The following LINGO2 variants were observed in gnomAD, a reference collection of about 807,000 sequenced individuals.
LINGO2 encodes the protein leucine rich repeat and Ig domain containing 2, also known as leucine-rich repeat and immunoglobulin-like domain-containing nogo receptor-interacting protein 2.
Under a neutral mutation model 30.6 loss-of-function variants are expected in LINGO2, and 14 were observed. The observed-to-expected ratio is 0.46, with a 90% CI of 0.30 to 0.72. LINGO2 has a LOEUF of 0.72. LINGO2 is among the 30% of genes least tolerant of loss of function. The probability of loss-of-function intolerance (pLI) is 0.07; values close to 1 mark genes in which losing one functional copy is unlikely to be tolerated. For missense variants in LINGO2, 729 were observed against 751.7 expected, an observed-to-expected ratio of 0.97 and a Z score of 0.35; for synonymous variants, 317 against 288.5, an observed-to-expected ratio of 1.10 and a Z score of -1.00.
chr9:29,115,596 T>A, the LINGO2 span, among the ~76,000 whole-genome samples: 11 of 151,870 alleles, frequency 7.2e-5, no homozygotes, highest in South Asian at 2.1e-4. Flanking sequence ...TGTTTTTTTT[T>A]AAAGAAAAGA....
chr9:28,083,511 T>C (rs1465108302), intron 4 of LINGO2, among the ~76,000 whole-genome samples: 2 of 152,212 alleles, frequency 1.3e-5, no homozygotes, highest in South Asian at 2.1e-4. Flanking sequence ...CAGCACATTT[T>C]ACAGTTTCCT....
At chr9:29,209,182 T>C in the LINGO2 span, among the ~76,000 whole-genome samples, 2 of 152,104 alleles carry the variant, frequency 1.3e-5, no homozygotes, top group African/African-American at 2.4e-5. Flanking sequence ...AAACGCACCA[T>C]GTTCTTAGGC....
intron 4 of LINGO2, among the ~76,000 whole-genome samples, chr9:28,062,139 A>G (rs534155547): frequency 6.6e-6 from 1 of 152,020 alleles, no homozygotes; most frequent in Non-Finnish European, 1.5e-5. Flanking sequence ...CCAAGACTGG[A>G]AAAGTAAAAG....
chr9:28,358,947 G>C (rs1820334868), intron 3 of LINGO2, among the ~76,000 whole-genome samples: 1 of 152,130 alleles, frequency 6.6e-6, no homozygotes, highest in Admixed American at 6.6e-5. Flanking sequence ...TGTTGAGTCT[G>C]TTCATTCTCA....
intron 2 of LINGO2, among the ~76,000 whole-genome samples, chr9:28,441,255 T>TC (rs1824185847): frequency 2.9e-5 from 1 of 34,260 alleles, no homozygotes; most frequent in East Asian, 1.4e-3. Flanking sequence ...TGGAGGCTTT[T>TC]TTTTTTTTTT....
At chr9:28,020,748 A>G (rs1343453) in intron 4 of LINGO2, among the ~76,000 whole-genome samples, 117,315 of 152,038 alleles carry the variant, frequency 0.77, 46,207 homozygotes, top group Non-Finnish European at 0.85. Flanking sequence ...GATTGTATCA[A>G]TTTCTCCCTG....
At chr9:28,359,088 T>C (rs1222386882) in intron 3 of LINGO2, among the ~76,000 whole-genome samples, 2 of 152,134 alleles carry the variant, frequency 1.3e-5, no homozygotes, top group Non-Finnish European at 2.9e-5. Flanking sequence ...CTGTTTCCTT[T>C]ACCTAACCCA....
chr9:28,012,243 A>G (rs1428312509), intron 5 of LINGO2: 2 of 152,084 alleles, frequency 1.3e-5, no homozygotes, highest in African/African-American at 4.8e-5. Flanking sequence ...GGTCACATAC[A>G]TATGAGCTAC....
intron 3 of LINGO2, among the ~76,000 whole-genome samples, chr9:28,354,327 T>C (rs1820066193): frequency 6.6e-6 from 1 of 152,182 alleles, no homozygotes; most frequent in Non-Finnish European, 1.5e-5. Context: ...ATGGTAATTA[T>C]GCAAATTCAT....
chr9:28,290,030 TC>T (rs1823660173), intron 4 of LINGO2, among the ~76,000 whole-genome samples: 1 of 152,212 alleles, frequency 6.6e-6, no homozygotes, highest in Non-Finnish European at 1.5e-5. Flanking sequence ...GTACATGTCT[TC>T]CTTTCTAGTG....
chr9:29,054,038 G>A, the LINGO2 span, among the ~76,000 whole-genome samples: 2 of 151,904 alleles, frequency 1.3e-5, no homozygotes, highest in East Asian at 3.9e-4. Flanking sequence ...CTCAAATGAG[G>A]TGTATCTGTG....
At chr9:28,958,148 G>A in the LINGO2 span, among the ~76,000 whole-genome samples, 16 of 152,222 alleles carry the variant, frequency 1.1e-4, no homozygotes, top group East Asian at 3.1e-3. Flanking sequence ...CATCCATTAA[G>A]ACTCATGTCA....
At chr9:29,121,751 T>C in the LINGO2 span, among the ~76,000 whole-genome samples, 1 of 152,072 alleles carries the variant, frequency 6.6e-6, no homozygotes, top group Admixed American at 6.6e-5. Context: ...AGAGTTACTA[T>C]TTCACTCCAG....
At chr9:29,086,930 T>C in the LINGO2 span, among the ~76,000 whole-genome samples, 12 of 150,436 alleles carry the variant, frequency 8.0e-5, no homozygotes, top group Non-Finnish European at 1.3e-4. Context: ...TTTCACTCTG[T>C]CACCGCAATG....
intron 1 of LINGO2, among the ~76,000 whole-genome samples, chr9:28,618,091 A>G (rs1826222235): frequency 6.6e-6 from 1 of 152,128 alleles, no homozygotes. Flanking sequence ...TCAAGAGCTC[A>G]GGTTTTGATT....
chr9:28,374,320 CT>C (rs909290772), intron 2 of LINGO2, among the ~76,000 whole-genome samples: 28 of 150,838 alleles, frequency 1.9e-4, no homozygotes, highest in Non-Finnish European at 3.7e-4. Context: ...GAAGAGGGAA[CT>C]TTTTTCCTTC....
chr9:27,984,857 T>A (rs886094142), intron 5 of LINGO2, among the ~76,000 whole-genome samples: 3 of 151,802 alleles, frequency 2.0e-5, no homozygotes, highest in African/African-American at 7.2e-5. Context: ...ATGAGGAAAA[T>A]TTTGAGTTTA....
intron 4 of LINGO2, among the ~76,000 whole-genome samples, chr9:28,204,169 A>G (rs531012568): frequency 2.0e-5 from 3 of 152,288 alleles, no homozygotes; most frequent in Admixed American, 6.5e-5. Context: ...TTTCCTAGAC[A>G]TCATGTATTA....
At chr9:28,732,054 T>A in the LINGO2 span, among the ~76,000 whole-genome samples, 1 of 152,124 alleles carries the variant, frequency 6.6e-6, no homozygotes, top group Non-Finnish European at 1.5e-5. Context: ...AACTGAACCT[T>A]CCGGGATTCT....
Sources: gnomAD v4.1 joint callset for allele counts (sites outside exome capture counted in the v4.1 genomes callset) on GRCh38, gnomAD v4.1.1 for gene constraint, MANE v1.5 for transcripts, NCBI Gene and HGNC (gene_info 2026-07-23, HGNC 2026-07-21) for gene names.